ESD: variants seen among roughly 807,000 people sequenced by gnomAD.
The protein encoded by ESD is S-formylglutathione hydrolase.
Under a neutral mutation model 38.1 loss-of-function variants are expected in ESD, and 34 were observed. The observed-to-expected ratio is 0.89, with a 90% CI of 0.68 to 1.19. ESD has a LOEUF of 1.19. Among genes scored for constraint, ESD ranks in the 50% most tolerant of loss-of-function variants. The pLI is 0.00. For missense variants in ESD, 334 were observed against 327.2 expected (o/e 1.02, Z -0.16); for synonymous variants, 97 against 107.0 (o/e 0.91, Z 0.58).
intron 3 of ESD, among the ~76,000 whole-genome samples, chr13:46,790,218 G>A (rs1444802862): frequency 1.3e-5 from 2 of 151,888 alleles, no homozygotes; most frequent in African/African-American, 4.8e-5. Context: ...ATGAAGAGAA[G>A]TTCATATCAA....
chr13:46,777,639 T>A lies in ESD; in HGVS notation c.601-16A>T, dbSNP rs1874851670. ...CATCATAAGCCTGTAAAAAGAGAAG[T>A]AACATTGAAAAATAAATTCAAAGAT... On this transcript the variant is annotated splice_polypyrimidine_tract_variant and intron_variant, in intron 8 of 9. Transcript: ENST00000378720. The A allele has an allele frequency of 8.3e-6, 13 of 1,574,792 alleles. No individual in the cohort carries two copies. The highest frequency in any genetic ancestry group is 1.8e-5 in the Admixed American group (1 of 54,178).
chr13:46,796,539 C>A (rs951212449), intron 1 of ESD, among the ~76,000 whole-genome samples: 3 of 152,230 alleles, frequency 2.0e-5, no homozygotes, highest in African/African-American at 7.2e-5. Flanking sequence ...TCCCCCACAG[C>A]GCTCTGAGAG....
intron 2 of ESD, among the ~76,000 whole-genome samples, chr13:46,792,175 A>G (rs1875425639): frequency 6.6e-6 from 1 of 152,100 alleles, no homozygotes; most frequent in African/African-American, 2.4e-5. Flanking sequence ...ATAAATGCCT[A>G]TTAAGCAAAG....
intron 5 of ESD, among the ~76,000 whole-genome samples, chr13:46,783,296 C>A (rs1432855500): frequency 6.6e-6 from 1 of 151,938 alleles, no homozygotes; most frequent in African/African-American, 2.4e-5. Context: ...TGCTTTCCAT[C>A]ACATTTTTCC....
At chr13:46,796,915 G>A (rs1875603312) in intron 1 of ESD, among the ~76,000 whole-genome samples, 190 bp downstream of exon 1, 1 of 152,248 alleles carries the variant, frequency 6.6e-6, no homozygotes, top group East Asian at 1.9e-4. Flanking sequence ...GCGAGGCTCC[G>A]GGTCACGGGA....
At chr13:46,788,690 A>C (rs1475743400) in intron 3 of ESD, among the ~76,000 whole-genome samples, 2 of 150,170 alleles carry the variant, frequency 1.3e-5, no homozygotes, top group African/African-American at 2.5e-5. Flanking sequence ...AAAAAAAAAA[A>C]ACACAACAGG....
chr13:46,777,953 GA>G (rs1874863493), intron 8 of ESD, among the ~76,000 whole-genome samples: 1 of 151,688 alleles, frequency 6.6e-6, no homozygotes, highest in Non-Finnish European at 1.5e-5. Flanking sequence ...GCAAGAACAT[GA>G]TTTTTTTTCC....
intron 5 of ESD, among the ~76,000 whole-genome samples, chr13:46,783,264 G>C (rs1267588310): frequency 6.6e-6 from 1 of 151,874 alleles, no homozygotes; most frequent in Non-Finnish European, 1.5e-5. Context: ...TTACTATCTT[G>C]AACTGAAAAT....
At chr13:46,777,164 G>A (rs1874825770) in intron 9 of ESD, 1 of 196,702 alleles carries the variant, frequency 5.1e-6, no homozygotes, top group African/African-American at 2.3e-5. Flanking sequence ...AAAGAAAGAA[G>A]TATCTGCTAA....
Position 46,786,784 on chromosome 13 carries a change from A to C in ESD, c.157+237T>G, listed in dbSNP as rs116540711. Reference sequence around the variant, plus strand: ...TTTCTAAGCCCTTGCTATTGAGTACAGAACTTTACATTCTCTGCTAAATTA... The same window carrying C: ...TTTCTAAGCCCTTGCTATTGAGTACCGAACTTTACATTCTCTGCTAAATTA... On this transcript the variant is annotated intron_variant, in intron 4 of 9. Transcript: ENST00000378720. 6.3e-3 allele frequency among the ~76,000 whole-genome samples: 951 copies of C among 152,104 alleles called. 11 individuals carry two copies. The highest frequency in any genetic ancestry group is 0.021 in the African/African-American group (888 of 41,540).
chr13:46,787,689 T>C (rs1875242748), intron 3 of ESD, among the ~76,000 whole-genome samples: 1 of 151,968 alleles, frequency 6.6e-6, no homozygotes, highest in African/African-American at 2.4e-5. Context: ...AAACTCTTAC[T>C]ACTTCAGAGT....
At chr13:46,781,675 A>C (rs1394341979) in intron 6 of ESD, 60 bp from the exon 7 acceptor site, 6 of 1,467,500 alleles carry the variant, frequency 4.1e-6, no homozygotes, top group Non-Finnish European at 4.7e-6. Flanking sequence ...AGACATTTCA[A>C]AGTTACAGAA....
chr13:46,788,511 T>G (rs1387197149), intron 3 of ESD, among the ~76,000 whole-genome samples: 3 of 152,044 alleles, frequency 2.0e-5, no homozygotes, highest in African/African-American at 7.2e-5. Flanking sequence ...GTTGGTGCCT[T>G]AAGACCTTTC....
At chr13:46,792,232 T>C (rs1172736236) in intron 2 of ESD, among the ~76,000 whole-genome samples, 2 of 152,054 alleles carry the variant, frequency 1.3e-5, no homozygotes, top group Non-Finnish European at 2.9e-5. Flanking sequence ...AAAGATTCCC[T>C]TTCTATTCCT....
At chr13:46,787,543 T>C (rs913914326) in intron 3 of ESD, among the ~76,000 whole-genome samples, 2 of 152,012 alleles carry the variant, frequency 1.3e-5, no homozygotes, top group Admixed American at 6.6e-5. Flanking sequence ...TCATCACTAA[T>C]ATTTTATCAC....
chr13:46,797,123 CAGA>C lies in ESD; in HGVS notation c.-77_-75del, dbSNP rs1199527881. The C allele has an allele frequency of 6.6e-6, 1 of 152,416 alleles. No homozygotes were observed. Among genetic ancestry groups the C allele is most frequent in the Non-Finnish European group, 1.5e-5 (1 of 68,182 alleles). 9.4% of individuals were successfully genotyped at this position (152,416 alleles called of 1,614,324 possible). On this transcript the variant is annotated 5_prime_UTR_variant, in exon 1 of 10. Coordinates refer to ENST00000378720, the MANE Select transcript of ESD (RefSeq NM_001984.2). ...GTCTTACCTACGGTGGCGGAGTGACCAGAAGAAGCGGGCCGAAGTAAAAGGCGG... is the reference window on the plus strand; with the variant it reads ...GTCTTACCTACGGTGGCGGAGTGACCAGAAGCGGGCCGAAGTAAAAGGCGG...
Position 46,787,105 on chromosome 13 carries a change from C to T in ESD, c.73G>A (p.Glu25Lys). Reference protein sequence around the residue: ...LQKVFEHDSVELNCKMKFAVY... With the variant: ...LQKVFEHDSVKLNCKMKFAVY... ...GCAAATTTCATTTTGCAGTTTAGTT[C>T]AACACTAGTTTTAACAAAAACAACA... Residue 25 changes from glutamate to lysine, a missense_variant, in exon 4 of 10, where the codon GAA (glutamate) becomes AAA (lysine). Transcript: ENST00000378720. The T allele has an allele frequency of 6.5e-7, 1 of 1,549,970 alleles. No individual in the cohort carries two copies. Among genetic ancestry groups the T allele is most frequent in the Non-Finnish European group, 8.8e-7 (1 of 1,142,138 alleles).
rs1372680886 is a variant in ESD, at chr13:46,797,141, G to A, written c.-92C>T. The A allele has an allele frequency of 6.6e-6, 1 of 152,430 alleles. No homozygotes were observed. The highest frequency in any genetic ancestry group is 1.5e-5 in the Non-Finnish European group (1 of 68,184). The allele number at this position is 152,430 out of a possible 1,614,324, so 9.4% of individuals were successfully genotyped here. The stretch of plus-strand genomic sequence containing the variant: ...GAGTGACCAGAAGAAGCGGGCCGAA[G>A]TAAAAGGCGGGGCTCAAGATGGCCG... On this transcript the variant is annotated 5_prime_UTR_variant, in exon 1 of 10. Coordinates refer to ENST00000378720, the MANE Select transcript of ESD (RefSeq NM_001984.2).
intron 5 of ESD, 96 bp downstream of exon 5, chr13:46,784,156 T>A (rs116726547): frequency 1.1e-6 from 1 of 947,974 alleles, no homozygotes; most frequent in African/African-American, 1.7e-5. Context: ...ACAGCAAAAA[T>A]ATAAAATGAA....
Sources: gnomAD v4.1 joint callset for allele counts (sites outside exome capture counted in the v4.1 genomes callset) on GRCh38, gnomAD v4.1.1 for gene constraint, MANE v1.5 for transcripts, NCBI Gene and HGNC (gene_info 2026-07-23, HGNC 2026-07-21) for gene names.